The following SUSD2 variants were observed in gnomAD, a reference collection of about 807,000 sequenced individuals.
SUSD2 encodes sushi domain-containing protein 2.
Under a neutral mutation model 93.8 loss-of-function variants are expected in SUSD2, and 86 were observed. The observed-to-expected ratio is 0.92, with a 90% CI of 0.77 to 1.10. SUSD2 has a LOEUF of 1.10. Ranked by LOEUF, SUSD2 falls within the 50% of genes least tolerant of loss-of-function variation. The pLI, the probability that SUSD2 is intolerant of heterozygous loss-of-function variation, is 0.00. For missense variants in SUSD2, 1,060 were observed against 1,137.0 expected (o/e 0.93, Z 0.97); for synonymous variants, 483 against 485.0 (o/e 1.00, Z 0.05).
At position 24,188,616 on chromosome 22, in the gene SUSD2, G is replaced by A; in HGVS notation, c.*180G>A. On this transcript the variant is annotated 3_prime_UTR_variant, in exon 15 of 15. Transcript: ENST00000358321. This position sits in a 1 kb window ranked among gnomAD's most constrained non-coding sequence, Gnocchi z 4.7. ...GGAGGCCCAGTGTTCCAACACCCAA[G>A]CCCCGTGCTAGCAGCGCTCCGTGCT... 1.6e-6 allele frequency: 1 copy of A among 614,972 alleles called. No individual in the cohort carries two copies. Among genetic ancestry groups the A allele is most frequent in the South Asian group, 2.0e-5 (1 of 50,730 alleles). 38.1% of individuals were successfully genotyped at this position (614,972 alleles called of 1,614,324 possible).
rs1355275820 is a variant in SUSD2 at position 24,187,641 on chromosome 22, A to G, written c.1962A>G (p.Gln654=). 6.2e-7 allele frequency: 1 copy of G among 1,613,864 alleles called. No homozygotes were observed. The highest frequency in any genetic ancestry group is 8.5e-7 in the Non-Finnish European group (1 of 1,179,996). The change falls in exon 12 of 15, where the codon CAA becomes CAG. Residue 654 remains glutamine (Q), a synonymous_variant. Coordinates refer to ENST00000358321, the MANE Select transcript of SUSD2 (RefSeq NM_019601.4). ...SWFLVHNFLY[Q]PKHDPTFEPL... is the part of the protein sequence containing the mutation. ...TCCTGGTCCACAACTTCCTGTACCA[A>G]CCCAAGCACGACCCCACCTTCGAGC...
chr22:24,187,162 C>T (rs1386100042), intron 10 of SUSD2, 40 bp from the exon 11 acceptor site: 3 of 1,591,236 alleles, frequency 1.9e-6, no homozygotes, highest in East Asian at 4.5e-5. Flanking sequence ...GGACAAGATG[C>T]TCACAGCGGG....
rs1005738846 is a variant in SUSD2, at chr22:24,189,074, G to T, written c.*638G>T. On this transcript the variant is annotated 3_prime_UTR_variant, in exon 15 of 15. Coordinates refer to ENST00000358321, the MANE Select transcript of SUSD2 (RefSeq NM_019601.4). Reference sequence around the variant, plus strand: ...TCACTCAGGAACACCCTCCCTGCCTGTGCAAAGAGAAAACAAGCGCCTTGT... The same window carrying T: ...TCACTCAGGAACACCCTCCCTGCCTTTGCAAAGAGAAAACAAGCGCCTTGT... The T allele has an allele frequency of 5.3e-5, 8 of 152,314 alleles. No homozygotes were observed. Among genetic ancestry groups the T allele is most frequent in the Non-Finnish European group, 1.0e-4 (7 of 68,124 alleles). 9.4% of individuals were successfully genotyped at this position (152,314 alleles called of 1,614,324 possible).
At chr22:24,184,727 G>A (rs777898993) in intron 4 of SUSD2, 39 bp from the exon 5 acceptor site, 23 of 1,525,432 alleles carry the variant, frequency 1.5e-5, no homozygotes, top group Admixed American at 8.5e-5. Flanking sequence ...GCCAGGCCTC[G>A]AAGGAACCCC....
chr22:24,187,559 T>C lies in SUSD2; in HGVS notation c.1892-12T>C. 1.2e-6 allele frequency: 2 copies of C among 1,605,664 alleles called. No individual in the cohort carries two copies. Among genetic ancestry groups the C allele is most frequent in the Non-Finnish European group, 8.5e-7 (1 of 1,173,964 alleles). On this transcript the variant is annotated splice_polypyrimidine_tract_variant and intron_variant, in intron 11 of 14. Coordinates refer to ENST00000358321, the MANE Select transcript of SUSD2 (RefSeq NM_019601.4). The stretch of plus-strand genomic sequence containing the variant: ...GCCATGCCCAGCCAGGCCCCGGTCA[T>C]GTATCTTCCAGGGACCGTGCACAAT...
Position 24,187,257 on chromosome 22 carries a change from G to T in SUSD2, c.1698G>T (p.Gly566=). The T allele has an allele frequency of 1.2e-6, 2 of 1,613,986 alleles. No homozygotes were observed. The highest frequency in any genetic ancestry group is 1.1e-5 in the South Asian group (1 of 91,082). ...GGGTCTCCATCATGCTGGCATCAGGGGCCGGCCTGGAGGTCAGCGTGCAGG... is the reference window on the plus strand; with the variant it reads ...GGGTCTCCATCATGCTGGCATCAGGTGCCGGCCTGGAGGTCAGCGTGCAGG... ...GDRVSIMLAS[G]AGLEVSVQGP... The change falls in exon 11 of 15, where the codon GGG becomes GGT. Residue 566 remains glycine, a synonymous_variant. Transcript: ENST00000358321.
rs760087248 is a variant in SUSD2, at chr22:24,185,634, C to G, written c.1071-27C>G. The stretch of plus-strand genomic sequence containing the variant: ...TCAGGGGTGGGCTCCCAACAGTGGC[C>G]TGGCCCTGACTCACTGGCTCCTGCA... On this transcript the variant is annotated intron_variant, in intron 7 of 14. Coordinates refer to ENST00000358321, the MANE Select transcript of SUSD2 (RefSeq NM_019601.4). 5.6e-6 allele frequency: 9 copies of G among 1,608,054 alleles called. No individual in the cohort carries two copies. The South Asian group carries it at 1.0e-4, about 18-fold the overall frequency.
rs1242179884 is a variant in SUSD2, at chr22:24,186,529, C to T, written c.1642+114C>T. The T allele has an allele frequency of 2.1e-5, 28 of 1,330,134 alleles. No individual in the cohort carries two copies. In the East Asian group the frequency reaches 6.5e-4, roughly 31 times the overall value. 82.4% of individuals were successfully genotyped at this position (1,330,134 alleles called of 1,614,324 possible). ...TGCCTCTCCCAGTCCTGGCTAGAGG[C>T]CTGGGTGGTCCGACCTCAGGCCTTC... On this transcript the variant is annotated intron_variant, in intron 10 of 14. Coordinates refer to ENST00000358321, the MANE Select transcript of SUSD2 (RefSeq NM_019601.4).
chr22:24,188,184 A>G lies in SUSD2; in HGVS notation c.2342-41A>G, dbSNP rs2047383565. 1 of 1,591,472 alleles carries G rather than the reference A, an allele frequency of 6.3e-7. No homozygotes were observed. The highest frequency in any genetic ancestry group is 1.3e-5 in the African/African-American group (1 of 74,402). On this transcript the variant is annotated intron_variant, in intron 13 of 14. Coordinates refer to ENST00000358321, the MANE Select transcript of SUSD2 (RefSeq NM_019601.4). The surrounding 1 kb of genome is among the most constrained non-coding windows in gnomAD (Gnocchi z 4.7). ...CTGCCTGCACCTGTCCCCACTCACCACCCCAGAGAGCCCCCTCACTGACAC... is the reference window on the plus strand; with the variant it reads ...CTGCCTGCACCTGTCCCCACTCACCGCCCCAGAGAGCCCCCTCACTGACAC...
At position 24,188,520 on chromosome 22, in the gene SUSD2, A is replaced by AGACACCTGGGACCTGGATACTT; in HGVS notation, c.*87_*108dup. 7.5e-7 allele frequency: 1 copy of AGACACCTGGGACCTGGATACTT among 1,333,060 alleles called. No individual in the cohort carries two copies. The highest frequency in any genetic ancestry group is 1.4e-5 in the African/African-American group (1 of 69,594). The allele number at this position is 1,333,060 out of a possible 1,614,324, so 82.6% of individuals were successfully genotyped here. On this transcript the variant is annotated 3_prime_UTR_variant, in exon 15 of 15. Transcript: ENST00000358321. This position sits in a 1 kb window ranked among gnomAD's most constrained non-coding sequence, Gnocchi z 4.7. Reference sequence around the variant, plus strand: ...CTGCGACTCCCGCATCCCCAGGACCAGACACCTGGGACCTGGATACTTGAT... The same window carrying AGACACCTGGGACCTGGATACTT: ...CTGCGACTCCCGCATCCCCAGGACCAGACACCTGGGACCTGGATACTTGACACCTGGGACCTGGATACTTGAT...
chr22:24,188,283 G>A lies in SUSD2; in HGVS notation c.2400G>A (p.Ala800=), dbSNP rs768139086. The change falls in exon 14 of 15, where the codon GCG becomes GCA. Residue 800 remains alanine (A), a synonymous_variant. Transcript: ENST00000358321. This position sits in a 1 kb window ranked among gnomAD's most constrained non-coding sequence, Gnocchi z 4.7. ...IIFGGLAVVA[A]VALVYVLLRR... ...TTGGGGGCCTCGCGGTGGTGGCGGC[G>A]GTTGCGCTCGTCTATGTGCTGCTGC... 12 of 1,604,652 alleles carry A rather than the reference G, an allele frequency of 7.5e-6. No homozygotes were observed. In the East Asian group the frequency reaches 1.1e-4, roughly 15 times the overall value.
In SUSD2 at chr22:24,185,891, C is replaced by T. The variant is rs564079467; in HGVS notation, c.1301C>T (p.Pro434Leu). 15 of 1,580,860 alleles carry T rather than the reference C, an allele frequency of 9.5e-6. No homozygotes were observed. The East Asian group carries it at 3.2e-4, about 34-fold the overall frequency. Residue 434 changes from proline to leucine, a missense_variant, in exon 8 of 15, where the codon CCC (proline) becomes CTC (leucine). This residue lies in a region of SUSD2 where 973 missense variants were observed against 1,005.3 expected (regional missense o/e 0.97). Coordinates refer to ENST00000358321, the MANE Select transcript of SUSD2 (RefSeq NM_019601.4). ...PDCPRYMQRR[P>L]SNDCRNYRPP... The stretch of plus-strand genomic sequence containing the variant: ...TGCCCCCGCTACATGCAACGGCGGC[C>T]CTCCAATGACTGCCGCAACTACCGG...
chr22:24,187,907 T>G, intron 12 of SUSD2, 52 bp from the exon 13 acceptor site: 1 of 1,605,756 alleles, frequency 6.2e-7, no homozygotes, highest in Non-Finnish European at 8.5e-7. Flanking sequence ...TGGCCAGATG[T>G]GTGTATGCAT....
chr22:24,186,085 A>G lies in SUSD2; in HGVS notation c.1409A>G (p.Glu470Gly). 6.2e-7 allele frequency: 1 copy of G among 1,612,784 alleles called. No individual in the cohort carries two copies. Among genetic ancestry groups the G allele is most frequent in the Non-Finnish European group, 8.5e-7 (1 of 1,179,750 alleles). ...GTNFTFNGRG[E>G]YVLLEAALTD... is the part of the protein sequence containing the mutation. ...AACTTCACATTCAATGGGCGCGGAG[A>G]GTACGTGCTGCTGGAGGCAGCGCTG... The change falls in exon 9 of 15, where the codon GAG (glutamate) becomes GGG (glycine). Residue 470 changes from glutamate (E) to glycine (G), a missense_variant. Glu to Gly is a moderately conservative substitution (Grantham distance 98). Transcript: ENST00000358321.
Position 24,186,345 on chromosome 22 carries a change from C to T in SUSD2, c.1572C>T (p.Thr524=), listed in dbSNP as rs151275127. The T allele has an allele frequency of 2.0e-5, 33 of 1,613,798 alleles. No homozygotes were observed. Among genetic ancestry groups the T allele is most frequent in the South Asian group, 2.0e-4 (18 of 91,090 alleles). ...DVVEVRLANR[T]GGLEVLLNQE... ...TGGAAGTCAGGCTGGCCAACAGGAC[C>T]GGAGGTCTGGAGGTGCTGCTGAACC... Residue 524 remains threonine (T), a synonymous_variant, in exon 10 of 15, where the codon ACC becomes ACT. Transcript: ENST00000358321.
intron 1 of SUSD2, 80 bp downstream of exon 1, chr22:24,181,675 C>T: frequency 1.7e-6 from 2 of 1,143,846 alleles, no homozygotes; most frequent in Non-Finnish European, 2.5e-6. Flanking sequence ...TCCCTCTGGG[C>T]TCAGCCTCTG....
rs199507320 is a variant in SUSD2, at chr22:24,185,944, G to T, written c.1339+15G>T. On this transcript the variant is annotated intron_variant, in intron 8 of 14. Transcript: ENST00000358321. ...CCCAAGACTGGGTGGGTGCCATCCC[G>T]TGCCCCAGACCCTGGGAAAGATCGG... 3.2e-6 allele frequency: 5 copies of T among 1,568,392 alleles called. No individual in the cohort carries two copies. The African/African-American group carries it at 5.4e-5, about 17-fold the overall frequency.
Position 24,188,069 on chromosome 22 carries a change from G to T in SUSD2, c.2275G>T (p.Gly759Trp), listed in dbSNP as rs780972040. Residue 759 changes from glycine (G) to tryptophan (W), a missense_variant, in exon 13 of 15, where the codon GGG becomes TGG. Gly to Trp is a radical substitution (Grantham distance 184). This residue lies in a region of SUSD2 where 973 missense variants were observed against 1,005.3 expected (regional missense o/e 0.97). Coordinates refer to ENST00000358321, the MANE Select transcript of SUSD2 (RefSeq NM_019601.4). This position sits in a 1 kb window ranked among gnomAD's most constrained non-coding sequence, Gnocchi z 4.7. The part of the protein sequence containing the change: ...FHCDNGYSLA[G>W]AETSTCQADG... ...CTGTGACAACGGCTACAGCCTGGCC[G>T]GGGCAGAGACCAGCACCTGCCAGGC... 6.2e-7 allele frequency: 1 copy of T among 1,612,844 alleles called. No individual in the cohort carries two copies. Among genetic ancestry groups the T allele is most frequent in the Non-Finnish European group, 8.5e-7 (1 of 1,179,928 alleles).
chr22:24,186,676 C>T (rs757715659), intron 10 of SUSD2: 8 of 538,556 alleles, frequency 1.5e-5, no homozygotes, highest in African/African-American at 5.7e-5. Context: ...ACCCTGGTAA[C>T]GTTCACCGCT....
Sources: allele counts gnomAD v4.1 joint callset, GRCh38; gene constraint gnomAD v4.1.1; regional missense constraint gnomAD v4.1.1; non-coding constraint Gnocchi (gnomAD v3.1); transcripts MANE v1.5; gene names NCBI Gene and HGNC (gene_info 2026-07-23, HGNC 2026-07-21).